The following ENTREP2 variants were observed in gnomAD, a reference collection of about 807,000 sequenced individuals.
The protein encoded by ENTREP2 is protein ENTREP2.
the ENTREP2 span, among the ~76,000 whole-genome samples, chr15:29,174,398 T>C: frequency 1.3e-5 from 2 of 152,108 alleles, no homozygotes; most frequent in Non-Finnish European, 2.9e-5. Context: ...CTGTGAAAAC[T>C]AGAAACACGG....
the ENTREP2 span, among the ~76,000 whole-genome samples, chr15:29,572,843 CA>C: frequency 6.6e-6 from 1 of 150,456 alleles, no homozygotes; most frequent in Non-Finnish European, 1.5e-5. Context: ...CCACCCCCAC[CA>C]AAAAAAAGGA....
At chr15:29,423,434 T>C in the ENTREP2 span, among the ~76,000 whole-genome samples, 4 of 152,248 alleles carry the variant, frequency 2.6e-5, no homozygotes, top group East Asian at 7.7e-4. Flanking sequence ...CACACCACCA[T>C]ACACAAAGAT....
chr15:29,633,385 T>A, the ENTREP2 span, among the ~76,000 whole-genome samples: 2 of 152,148 alleles, frequency 1.3e-5, no homozygotes, highest in Non-Finnish European at 2.9e-5. Context: ...CATAGATCTA[T>A]AAGATGTATT....
the ENTREP2 span, among the ~76,000 whole-genome samples, chr15:29,558,398 C>T: frequency 6.6e-6 from 1 of 151,876 alleles, no homozygotes; most frequent in Admixed American, 6.6e-5. Flanking sequence ...TGCTTAATCT[C>T]TGCAGACCAT....
the ENTREP2 span, among the ~76,000 whole-genome samples, chr15:29,404,471 G>A: frequency 1.3e-5 from 2 of 151,868 alleles, no homozygotes; most frequent in African/African-American, 2.4e-5. Flanking sequence ...TGAGTCCCAG[G>A]AACCCCCTTC....
the ENTREP2 span, among the ~76,000 whole-genome samples, chr15:29,211,087 T>C: frequency 6.6e-6 from 1 of 152,344 alleles, no homozygotes; most frequent in East Asian, 1.9e-4. Context: ...TATGCAGTTA[T>C]TCAGGTTACT....
the ENTREP2 span, among the ~76,000 whole-genome samples, chr15:29,430,315 C>CAGTTTTAT: frequency 6.6e-6 from 1 of 152,154 alleles, no homozygotes; most frequent in Non-Finnish European, 1.5e-5. Context: ...GATGGCCTTG[C>CAGTTTTAT]AGTTTTATCT....
At chr15:29,602,707 T>G in the ENTREP2 span, among the ~76,000 whole-genome samples, 1 of 152,062 alleles carries the variant, frequency 6.6e-6, no homozygotes, top group African/African-American at 2.4e-5. Flanking sequence ...CCGGCTAATT[T>G]TTGTATTTTT....
At chr15:29,254,161 C>CGA in the ENTREP2 span, among the ~76,000 whole-genome samples, 3 of 61,324 alleles carry the variant, frequency 4.9e-5, no homozygotes, top group Non-Finnish European at 8.3e-5. Context: ...TGTTAAAGAG[C>CGA]AAAAAAAAAA....
the ENTREP2 span, among the ~76,000 whole-genome samples, chr15:29,395,316 A>C: frequency 2.0e-5 from 3 of 152,080 alleles, no homozygotes; most frequent in African/African-American, 7.2e-5. Context: ...CTATGAACAC[A>C]GGTGTGCAAA....
At chr15:29,162,083 G>A in the ENTREP2 span, among the ~76,000 whole-genome samples, 44 of 152,266 alleles carry the variant, frequency 2.9e-4, 1 homozygote, top group East Asian at 8.1e-3. Flanking sequence ...AGAAGTTTCC[G>A]ACCTTACCTG....
At chr15:29,415,834 C>T in the ENTREP2 span, among the ~76,000 whole-genome samples, 1 of 152,156 alleles carries the variant, frequency 6.6e-6, no homozygotes, top group Non-Finnish European at 1.5e-5. Flanking sequence ...GCAAAAATCA[C>T]AAGCATTCTT....
At chr15:29,502,798 C>A in the ENTREP2 span, among the ~76,000 whole-genome samples, 1 of 151,934 alleles carries the variant, frequency 6.6e-6, no homozygotes, top group South Asian at 2.1e-4. Context: ...ACAAAAATTT[C>A]TCGTAAGAAG....
chr15:29,263,991 T>TA, the ENTREP2 span, among the ~76,000 whole-genome samples: 1 of 151,626 alleles, frequency 6.6e-6, no homozygotes, highest in Non-Finnish European at 1.5e-5. Flanking sequence ...CCGTCTCTAC[T>TA]AAAAACACAA....
chr15:29,146,460 C>T, the ENTREP2 span, among the ~76,000 whole-genome samples: 8 of 152,158 alleles, frequency 5.3e-5, no homozygotes, highest in Admixed American at 1.3e-4. Context: ...AGACATAGGT[C>T]AATGGAATAG....
the ENTREP2 span, among the ~76,000 whole-genome samples, chr15:29,136,869 G>A: frequency 3.7e-3 from 562 of 152,270 alleles, 9 homozygotes; most frequent in Admixed American, 0.035. Context: ...TTCGGGTTGC[G>A]TTGCAAAGGT....
chr15:29,243,623 C>A, the ENTREP2 span, among the ~76,000 whole-genome samples: 2 of 151,946 alleles, frequency 1.3e-5, no homozygotes, highest in Non-Finnish European at 2.9e-5. Flanking sequence ...CATTTCCTCC[C>A]GAGACCCCCG....
At chr15:29,389,326 G>A in the ENTREP2 span, among the ~76,000 whole-genome samples, 2 of 152,070 alleles carry the variant, frequency 1.3e-5, no homozygotes, top group African/African-American at 4.8e-5. Context: ...AAGACACTAC[G>A]ACATCCGGAG....
At chr15:29,491,920 A>G in the ENTREP2 span, among the ~76,000 whole-genome samples, 7,317 of 152,186 alleles carry the variant, frequency 0.048, 557 homozygotes, top group African/African-American at 0.17. Context: ...GGAAAAAACT[A>G]TTTCCATCAG....
Sources: gnomAD v4.1 joint callset for allele counts (sites outside exome capture counted in the v4.1 genomes callset) on GRCh38, gnomAD v4.1.1 for gene constraint, MANE v1.5 for transcripts, NCBI Gene and HGNC (gene_info 2026-07-23, HGNC 2026-07-21) for gene names.